Variants in WDPCP observed in about 807,000 individuals in gnomAD.
WDPCP encodes WD repeat-containing and planar cell polarity effector protein fritz homolog.
A neutral mutation model predicts 93.1 loss-of-function variants in WDPCP; 71 were observed. The ratio of observed to expected loss-of-function variants is 0.76; its 90% CI spans 0.63 to 0.93. WDPCP has a LOEUF of 0.93. WDPCP is among the 40% of genes least tolerant of loss of function. The pLI, the probability that WDPCP is intolerant of heterozygous loss-of-function variation, is 0.00. For missense variants in WDPCP, 844 were observed against 887.4 expected (o/e 0.95, Z 0.62); for synonymous variants, 315 against 315.0 (o/e 1.00, Z 0.00).
At chr2:63,335,111 T>C (rs970774470) in intron 12 of WDPCP, among the ~76,000 whole-genome samples, 2 of 152,222 alleles carry the variant, frequency 1.3e-5, no homozygotes, top group African/African-American at 4.8e-5. Flanking sequence ...GTGACTATTC[T>C]TCTACCCCTT....
At chr2:63,245,360 G>A (rs573301699) in intron 14 of WDPCP, among the ~76,000 whole-genome samples, 4 of 152,206 alleles carry the variant, frequency 2.6e-5, no homozygotes, top group African/African-American at 9.6e-5. Context: ...ATAATTGTAC[G>A]GGTAACAGTG....
At chr2:63,568,727 G>A (rs1707261605) in intron 1 of WDPCP, among the ~76,000 whole-genome samples, 1 of 152,210 alleles carries the variant, frequency 6.6e-6, no homozygotes, top group Non-Finnish European at 1.5e-5. Context: ...AGGCAGAGGA[G>A]AACAAAGGAA....
At chr2:63,835,688 A>T in the WDPCP span, among the ~76,000 whole-genome samples, 1 of 152,030 alleles carries the variant, frequency 6.6e-6, no homozygotes, top group Non-Finnish European at 1.5e-5. Context: ...TTAGTATTTC[A>T]TATTTTTTCC....
At chr2:63,529,332 T>G (rs1575588908) in intron 1 of WDPCP, among the ~76,000 whole-genome samples, 1 of 152,232 alleles carries the variant, frequency 6.6e-6, no homozygotes, top group Non-Finnish European at 1.5e-5. Flanking sequence ...GCCCATTCAG[T>G]ATGATATTGG....
intron 13 of WDPCP, among the ~76,000 whole-genome samples, chr2:63,311,362 TA>T (rs1686176646): frequency 6.6e-6 from 1 of 152,120 alleles, no homozygotes; most frequent in South Asian, 2.1e-4. Context: ...ATGAATCTAT[TA>T]AAAAAATAAA....
At chr2:63,334,793 C>T (rs776142127) in intron 12 of WDPCP, among the ~76,000 whole-genome samples, 2 of 151,320 alleles carry the variant, frequency 1.3e-5, no homozygotes, top group African/African-American at 4.9e-5. Context: ...CTGAGTCACA[C>T]GAACCTGCCT....
chr2:63,632,739 G>A (rs1709877039), intron 3 of WDPCP, among the ~76,000 whole-genome samples: 1 of 152,110 alleles, frequency 6.6e-6, no homozygotes, highest in Admixed American at 6.5e-5. Flanking sequence ...CCAAAAAGCA[G>A]CCCAATGTAT....
chr2:63,789,628 C>T (rs1311706422), intron 2 of WDPCP, among the ~76,000 whole-genome samples: 5 of 152,108 alleles, frequency 3.3e-5, no homozygotes, highest in Non-Finnish European at 4.4e-5. Flanking sequence ...AAAATGAGGC[C>T]GAAGACTGTC....
At chr2:63,178,309 G>T (rs997953842) in intron 14 of WDPCP, among the ~76,000 whole-genome samples, 1 of 152,054 alleles carries the variant, frequency 6.6e-6, no homozygotes, top group Non-Finnish European at 1.5e-5. Flanking sequence ...AATATTTGCT[G>T]GAATATTCTA....
intron 2 of WDPCP, among the ~76,000 whole-genome samples, chr2:63,702,111 C>T (rs1267572026): frequency 2.0e-5 from 3 of 152,118 alleles, no homozygotes; most frequent in Non-Finnish European, 4.4e-5. Flanking sequence ...CTGCAACCTC[C>T]GCCTCCTAGG....
chr2:63,549,638 A>G (rs978905025), intron 1 of WDPCP, among the ~76,000 whole-genome samples: 1 of 151,774 alleles, frequency 6.6e-6, no homozygotes, highest in African/African-American at 2.4e-5. Context: ...TAGTGGCAGA[A>G]GCCTGTAATC....
chr2:63,391,420 C>T (rs1318468610), intron 10 of WDPCP, among the ~76,000 whole-genome samples: 1 of 152,062 alleles, frequency 6.6e-6, no homozygotes, highest in Non-Finnish European at 1.5e-5. Context: ...TTATGACAAA[C>T]CCACAGCCAA....
chr2:63,400,113 A>G (rs1241721737), intron 10 of WDPCP, among the ~76,000 whole-genome samples: 24 of 152,206 alleles, frequency 1.6e-4, no homozygotes, highest in Admixed American at 1.6e-3. Flanking sequence ...ATTAATTAAA[A>G]TTTATTTTTT....
chr2:63,197,524 A>T (rs1326553778), intron 14 of WDPCP, among the ~76,000 whole-genome samples: 6 of 152,230 alleles, frequency 3.9e-5, no homozygotes, highest in African/African-American at 1.4e-4. Context: ...GAATAAAAAT[A>T]AAAATATTCA....
At chr2:63,548,467 A>T (rs1346362405) in intron 1 of WDPCP, among the ~76,000 whole-genome samples, 1 of 152,212 alleles carries the variant, frequency 6.6e-6, no homozygotes, top group Non-Finnish European at 1.5e-5. Context: ...ATCAGAAAAA[A>T]AAAATCATAA....
chr2:63,397,636 T>C (rs908227646), intron 10 of WDPCP, among the ~76,000 whole-genome samples: 1 of 152,166 alleles, frequency 6.6e-6, no homozygotes, highest in Admixed American at 6.5e-5. Context: ...AGAAGGCTGT[T>C]TGATGAGGGT....
At chr2:63,605,949 T>G (rs1488324484) in intron 3 of WDPCP, 1 of 1,613,736 alleles carries the variant, frequency 6.2e-7, no homozygotes, top group Non-Finnish European at 8.5e-7. Context: ...GGAGAGTTTG[T>G]GTCCATGGGT....
intron 14 of WDPCP, chr2:63,228,410 T>A (rs1282496388): frequency 6.6e-6 from 1 of 150,608 alleles, no homozygotes; most frequent in Non-Finnish European, 1.5e-5. Flanking sequence ...TTTTTTGAAT[T>A]TTTTGATTGA....
At chr2:63,759,722 C>T (rs546173145) in intron 2 of WDPCP, among the ~76,000 whole-genome samples, 55 of 152,318 alleles carry the variant, frequency 3.6e-4, no homozygotes, top group Non-Finnish European at 7.2e-4. Flanking sequence ...ACGTTTTGCC[C>T]ACAGTCAGGG....
Sources: allele counts gnomAD v4.1 joint callset (sites outside exome capture counted in the v4.1 genomes callset), GRCh38; gene constraint gnomAD v4.1.1; transcripts MANE v1.5; gene names NCBI Gene and HGNC (gene_info 2026-07-23, HGNC 2026-07-21).